Variants in GPHN observed in about 807,000 individuals in gnomAD.
The protein encoded by GPHN is gephyrin.
In GPHN, 17 loss-of-function variants were observed where a neutral mutation model predicts 95.5. The observed-to-expected ratio is 0.18, with a 90% CI of 0.12 to 0.27. GPHN has a LOEUF of 0.27. Ranked by LOEUF, GPHN falls within the 10% of genes least tolerant of loss-of-function variation. The pLI is 1.00. For synonymous variants in GPHN, 320 were observed against 322.5 expected (o/e 0.99, Z 0.08); for missense variants, 660 against 978.1 (o/e 0.67, Z 4.34).
chr14:66,518,153 C>G (rs2058329668), intron 1 of GPHN, among the ~76,000 whole-genome samples: 1 of 150,440 alleles, frequency 6.6e-6, no homozygotes. Flanking sequence ...AAAAAAAACC[C>G]TGCAAAAAAT....
chr14:67,204,296 G>A, the GPHN span, among the ~76,000 whole-genome samples: 1 of 152,040 alleles, frequency 6.6e-6, no homozygotes, highest in Non-Finnish European at 1.5e-5. Context: ...AAATTAGCCA[G>A]GCATTGGTGG....
intron 4 of GPHN, among the ~76,000 whole-genome samples, chr14:66,832,464 GA>G (rs946535898): frequency 1.3e-5 from 2 of 152,118 alleles, no homozygotes; most frequent in African/African-American, 4.8e-5. Flanking sequence ...ATAATTGGTG[GA>G]TATGTCTTAA....
the GPHN span, among the ~76,000 whole-genome samples, chr14:67,212,368 G>A: frequency 1.8e-4 from 28 of 151,772 alleles, no homozygotes; most frequent in Admixed American, 1.7e-3. Flanking sequence ...TGGGCAGATC[G>A]CTCAAGCCAA....
the GPHN span, among the ~76,000 whole-genome samples, chr14:67,292,974 A>G: frequency 6.6e-6 from 1 of 152,162 alleles, no homozygotes; most frequent in African/African-American, 2.4e-5. Flanking sequence ...ATAGTAACAA[A>G]TATTTGAATT....
At chr14:66,561,789 G>A (rs750991930) in intron 1 of GPHN, among the ~76,000 whole-genome samples, 1 of 152,096 alleles carries the variant, frequency 6.6e-6, no homozygotes, top group Non-Finnish European at 1.5e-5. Context: ...TTGTTATTAT[G>A]TAGTTCTGAA....
intron 18 of GPHN, among the ~76,000 whole-genome samples, chr14:67,154,158 A>G (rs1211508611): frequency 1.3e-5 from 2 of 151,980 alleles, no homozygotes; most frequent in African/African-American, 2.4e-5. Context: ...ACTACCATCC[A>G]TTGCCTTTTC....
At chr14:67,289,651 A>G in the GPHN span, among the ~76,000 whole-genome samples, 1 of 152,168 alleles carries the variant, frequency 6.6e-6, no homozygotes, top group African/African-American at 2.4e-5. Context: ...TCTATTTAAA[A>G]ATTTAACTGC....
At chr14:67,637,958 GC>G in the GPHN span, among the ~76,000 whole-genome samples, 2 of 152,164 alleles carry the variant, frequency 1.3e-5, no homozygotes, top group African/African-American at 4.8e-5. Context: ...GAGGAGGTGT[GC>G]TTTCTCAATG....
chr14:67,099,110 C>CTTT (rs1200580490), intron 12 of GPHN, among the ~76,000 whole-genome samples: 3 of 138,976 alleles, frequency 2.2e-5, no homozygotes, highest in Non-Finnish European at 3.2e-5. Flanking sequence ...GTTGTAAAAA[C>CTTT]TTTTTTTTTT....
chr14:67,400,563 T>G, the GPHN span, among the ~76,000 whole-genome samples: 1 of 152,192 alleles, frequency 6.6e-6, no homozygotes, highest in Non-Finnish European at 1.5e-5. Flanking sequence ...AGGACTGGTC[T>G]GGGACATCTG....
the GPHN span, among the ~76,000 whole-genome samples, chr14:67,390,367 C>T: frequency 6.6e-6 from 1 of 152,158 alleles, no homozygotes; most frequent in Non-Finnish European, 1.5e-5. Context: ...ATCCTCCCTA[C>T]TCACAAAGCA....
chr14:67,446,172 C>T, the GPHN span: 6 of 399,564 alleles, frequency 1.5e-5, no homozygotes, highest in Admixed American at 6.7e-5. Flanking sequence ...ATGCACTCGG[C>T]GCCTTTGGGC....
intron 3 of GPHN, among the ~76,000 whole-genome samples, chr14:66,781,619 A>G (rs973739094): frequency 1.3e-5 from 2 of 152,136 alleles, no homozygotes; most frequent in African/African-American, 2.4e-5. Flanking sequence ...CTCTCTTTGA[A>G]CTTCATATGA....
intron 4 of GPHN, among the ~76,000 whole-genome samples, chr14:66,833,506 A>C (rs1426286295): frequency 6.6e-6 from 1 of 152,100 alleles, no homozygotes; most frequent in Non-Finnish European, 1.5e-5. Context: ...TGGAAACGAG[A>C]ATTCATGAGT....
chr14:67,383,928 T>C, the GPHN span: 1 of 184,546 alleles, frequency 5.4e-6, no homozygotes, highest in Admixed American at 5.5e-5. Context: ...TTCTTTTATC[T>C]TTATTTTAGT....
intron 8 of GPHN, among the ~76,000 whole-genome samples, chr14:66,960,181 A>C (rs1165994699): frequency 6.6e-6 from 1 of 151,452 alleles, no homozygotes; most frequent in African/African-American, 2.4e-5. Context: ...TAGCTCTTTC[A>C]GCTAAACTTT....
intron 2 of GPHN, among the ~76,000 whole-genome samples, chr14:66,764,567 T>C (rs1351441660): frequency 1.3e-5 from 2 of 152,186 alleles, no homozygotes; most frequent in Non-Finnish European, 2.9e-5. Flanking sequence ...AAACTGACTC[T>C]AGATTTTATG....
At chr14:67,237,205 T>C in the GPHN span, among the ~76,000 whole-genome samples, 1 of 152,102 alleles carries the variant, frequency 6.6e-6, no homozygotes, top group Non-Finnish European at 1.5e-5. Flanking sequence ...GCTTTTATTA[T>C]ACATTATCTC....
chr14:67,541,044 C>T, the GPHN span, among the ~76,000 whole-genome samples: 3 of 152,130 alleles, frequency 2.0e-5, no homozygotes, highest in Non-Finnish European at 2.9e-5. Flanking sequence ...AAATATCTAG[C>T]AGTTTTCTGG....
Sources: gnomAD v4.1 joint callset for allele counts (sites outside exome capture counted in the v4.1 genomes callset) on GRCh38, gnomAD v4.1.1 for gene constraint, MANE v1.5 for transcripts, NCBI Gene and HGNC (gene_info 2026-07-23, HGNC 2026-07-21) for gene names.